TRAK1: variants seen among roughly 807,000 people sequenced by gnomAD.
TRAK1 encodes trafficking kinesin-binding protein 1.
Under a neutral mutation model 92.1 loss-of-function variants are expected in TRAK1, and 33 were observed. That is an observed-to-expected ratio of 0.36 (90% CI 0.27 to 0.48). TRAK1 has a LOEUF of 0.48. Among genes scored for constraint, TRAK1 ranks in the 20% least tolerant of loss-of-function variants. The pLI is 0.99. For synonymous variants in TRAK1, 521 were observed against 517.3 expected (o/e 1.01, Z -0.10); for missense variants, 1,123 against 1,257.9 (o/e 0.89, Z 1.62).
chr3:42,098,909 G>A (rs1228674818), intron 1 of TRAK1, among the ~76,000 whole-genome samples: 1 of 152,080 alleles, frequency 6.6e-6, no homozygotes, highest in Non-Finnish European at 1.5e-5. Flanking sequence ...AGGCACCAGC[G>A]TTGCTGGAGC....
At position 42,067,594 on chromosome 3, in the gene TRAK1, A is replaced by AT. The variant is rs535838089; in HGVS notation, c.-518-19497dup. Among the ~76,000 whole-genome samples the AT allele has an allele frequency of 8.9e-3, 1,290 of 145,616 alleles. 50 individuals carry two copies. The East Asian group carries it at 0.12, about 14-fold the overall frequency. On this transcript the variant is annotated intron_variant, in intron 1 of 16. Transcript: ENST00000487159. ...AGTTCCCCTTTAGTGCTTAGATGAG[A>AT]TTTTTTTTTTTTTCAGGCTTTGTAA...
At chr3:42,211,589 T>TC (rs1195108857) in intron 14 of TRAK1, 1 of 985,266 alleles carries the variant, frequency 1.0e-6, no homozygotes, top group Non-Finnish European at 1.2e-6. Context: ...ATTGGGATGC[T>TC]CCCCTACAGC....
intron 2 of TRAK1, among the ~76,000 whole-genome samples, chr3:42,134,231 C>G (rs1697620121): frequency 3.2e-5 from 1 of 31,436 alleles, no homozygotes; most frequent in Admixed American, 4.3e-4. Flanking sequence ...CTCCTCTCCC[C>G]TTCCCTCCCC....
intron 1 of TRAK1, among the ~76,000 whole-genome samples, chr3:42,037,869 G>A (rs1331179258): frequency 6.6e-6 from 1 of 152,198 alleles, no homozygotes; most frequent in African/African-American, 2.4e-5. Flanking sequence ...GCAGTATAGT[G>A]TTCCATCCTT....
intron 1 of TRAK1, among the ~76,000 whole-genome samples, chr3:42,123,682 G>A (rs949343444): frequency 6.6e-6 from 1 of 151,074 alleles, no homozygotes; most frequent in African/African-American, 2.4e-5. Context: ...CCCTGCTATT[G>A]TGTGGTTTTA....
At chr3:42,015,992 C>T (rs1701508240) in intron 1 of TRAK1, among the ~76,000 whole-genome samples, 1 of 151,980 alleles carries the variant, frequency 6.6e-6, no homozygotes, top group Non-Finnish European at 1.5e-5. Flanking sequence ...AGCCAAGATC[C>T]CGCCACTGCA....
chr3:42,019,583 A>G (rs992608674), intron 1 of TRAK1, among the ~76,000 whole-genome samples: 13 of 152,276 alleles, frequency 8.5e-5, no homozygotes, highest in Admixed American at 7.8e-4. Context: ...GTTCTTTAAC[A>G]TAAACAACGT....
At chr3:42,156,597 A>C (rs180829368) in intron 2 of TRAK1, among the ~76,000 whole-genome samples, 32 of 152,350 alleles carry the variant, frequency 2.1e-4, no homozygotes, top group African/African-American at 7.7e-4. Flanking sequence ...ACGGGAGGGA[A>C]GAAAAAGTTA....
At chr3:42,068,150 A>T (rs561268830) in intron 1 of TRAK1, among the ~76,000 whole-genome samples, 48 of 151,078 alleles carry the variant, frequency 3.2e-4, no homozygotes, top group Non-Finnish European at 5.3e-4. Flanking sequence ...AGAGAGCGAG[A>T]CTCTGTCTAA....
chr3:42,096,613 A>C (rs1435419698), intron 1 of TRAK1, among the ~76,000 whole-genome samples: 3 of 152,236 alleles, frequency 2.0e-5, no homozygotes, highest in African/African-American at 7.2e-5. Flanking sequence ...GGAGAAACTA[A>C]AGAAAAATGA....
chr3:42,103,643 C>T (rs1376868137), intron 1 of TRAK1, among the ~76,000 whole-genome samples: 3 of 152,100 alleles, frequency 2.0e-5, no homozygotes, highest in Non-Finnish European at 2.9e-5. Context: ...TGTCTGTGAT[C>T]CCAGCACTTT....
In TRAK1 at chr3:42,223,224, G is replaced by C; in HGVS notation, c.2349G>C (p.Pro783=). 6.2e-7 allele frequency: 1 copy of C among 1,614,100 alleles called. No individual in the cohort carries two copies. The highest frequency in any genetic ancestry group is 1.1e-5 in the South Asian group (1 of 91,068). ...PKMAVIPSTP[P]NSPMQTPTSS... ...TGGCTGTGATCCCCTCTACTCCGCCGAACTCGCCTATGCAGACACCCACAT... is the reference window on the plus strand; with the variant it reads ...TGGCTGTGATCCCCTCTACTCCGCCCAACTCGCCTATGCAGACACCCACAT... Residue 783 remains proline, a synonymous_variant, in exon 16 of 16, where the codon CCG becomes CCC. Coordinates refer to ENST00000327628, the MANE Select transcript of TRAK1 (RefSeq NM_001042646.3). This position sits in a 1 kb window ranked among gnomAD's most constrained non-coding sequence, Gnocchi z 6.1.
At chr3:42,210,537 G>C in intron 14 of TRAK1, 1 of 1,145,940 alleles carries the variant, frequency 8.7e-7, no homozygotes, top group East Asian at 4.4e-5. Context: ...GTGGAGCTGA[G>C]CAGTTTTAGG....
intron 2 of TRAK1, chr3:42,146,083 TA>T: frequency 2.2e-6 from 1 of 460,484 alleles, no homozygotes; most frequent in Non-Finnish European, 4.3e-6. Flanking sequence ...TTCTGCTCTG[TA>T]AAAAATTCTT....
At chr3:42,180,073 T>A (rs1259532893) in intron 3 of TRAK1, among the ~76,000 whole-genome samples, 1 of 152,158 alleles carries the variant, frequency 6.6e-6, no homozygotes. Flanking sequence ...ACATTAATCA[T>A]ATTTTGGCTA....
rs1332286499 is a variant in TRAK1, at chr3:42,202,284, C to T, written c.1428-152C>T. The T allele has an allele frequency of 2.5e-6, 2 of 812,370 alleles. No homozygotes were observed. The highest frequency in any genetic ancestry group is 3.2e-5 in the East Asian group (1 of 30,920). 50.3% of individuals were successfully genotyped at this position (812,370 alleles called of 1,614,324 possible). A position where few individuals can be genotyped will look rare whatever the true frequency, so the allele number is the denominator to read the frequency against. Reference sequence around the variant, plus strand: ...GTGGTTCTGGACACGAATTTATTTCCCCCTGTTGCCTAAATGTCAACTGCT... The same window carrying T: ...GTGGTTCTGGACACGAATTTATTTCTCCCTGTTGCCTAAATGTCAACTGCT... On this transcript the variant is annotated intron_variant, in intron 12 of 15. Coordinates refer to ENST00000327628, the MANE Select transcript of TRAK1 (RefSeq NM_001042646.3). This position sits in a 1 kb window ranked among gnomAD's most constrained non-coding sequence, Gnocchi z 6.1.
chr3:42,076,469 A>G (rs924436482), intron 1 of TRAK1, among the ~76,000 whole-genome samples: 1 of 151,524 alleles, frequency 6.6e-6, no homozygotes, highest in Non-Finnish European at 1.5e-5. Flanking sequence ...CAGGTGATCC[A>G]CCCGCCTCGG....
intron 15 of TRAK1, 83 bp downstream of exon 15, chr3:42,219,679 A>C: frequency 6.6e-7 from 1 of 1,507,004 alleles, no homozygotes; most frequent in Non-Finnish European, 9.2e-7. Context: ...TGTTGAGGAA[A>C]GCCAAGTAGA....
intron 1 of TRAK1, among the ~76,000 whole-genome samples, chr3:42,093,821 A>G (rs1252722733): frequency 1.4e-5 from 2 of 143,858 alleles, no homozygotes; most frequent in Non-Finnish European, 3.0e-5. Context: ...TCATCCCTCA[A>G]CCTCCTGAAT....
Sources: gnomAD v4.1 joint callset for allele counts (sites outside exome capture counted in the v4.1 genomes callset) on GRCh38, gnomAD v4.1.1 for gene constraint, Gnocchi (gnomAD v3.1) non-coding constraint, MANE v1.5 for transcripts, NCBI Gene and HGNC (gene_info 2026-07-23, HGNC 2026-07-21) for gene names.